RYR3: variants seen among roughly 807,000 people sequenced by gnomAD.
RYR3 encodes the protein ryanodine receptor 3.
Under a neutral mutation model 584.3 loss-of-function variants are expected in RYR3, and 207 were observed. The observed-to-expected ratio is 0.35, with a 90% CI of 0.32 to 0.40. The LOEUF is 0.40. Among genes scored for constraint, RYR3 ranks in the 10% least tolerant of loss-of-function variants. The pLI, the probability that RYR3 is intolerant of heterozygous loss-of-function variation, is 1.00. For synonymous variants in RYR3, 2,416 were observed against 2,248.5 expected, an observed-to-expected ratio of 1.07 and a Z score of -2.11; for missense variants, 5,616 against 6,089.2, an observed-to-expected ratio of 0.92 and a Z score of 2.59.
At chr15:33,323,109 T>C (rs941205295) in intron 1 of RYR3, among the ~76,000 whole-genome samples, 2 of 151,764 alleles carry the variant, frequency 1.3e-5, no homozygotes, top group Non-Finnish European at 2.9e-5. Flanking sequence ...TGATATTTAA[T>C]ACATATATAT....
chr15:33,848,259 GCT>G (rs2078849802), intron 93 of RYR3, 30 bp from the exon 94 acceptor site: 1 of 1,612,196 alleles, frequency 6.2e-7, no homozygotes. Context: ...CACAAAGCCT[GCT>G]CTGAGTAACC....
chr15:33,459,207 C>T (rs555437887), intron 1 of RYR3, among the ~76,000 whole-genome samples: 1 of 152,302 alleles, frequency 6.6e-6, no homozygotes, highest in South Asian at 2.1e-4. Context: ...GGTTGAGCCC[C>T]ACGGCTTCAT....
intron 17 of RYR3, among the ~76,000 whole-genome samples, chr15:33,602,417 A>T (rs1011894870): frequency 6.6e-6 from 1 of 152,188 alleles, no homozygotes; most frequent in Non-Finnish European, 1.5e-5. Context: ...TGACTTCTTA[A>T]TGGTTTTAAG....
chr15:33,327,201 A>G (rs1298449029), intron 1 of RYR3, among the ~76,000 whole-genome samples: 1 of 152,246 alleles, frequency 6.6e-6, no homozygotes, highest in African/African-American at 2.4e-5. Flanking sequence ...ACATGTAGAA[A>G]ACAGAAGCTG....
intron 69 of RYR3, among the ~76,000 whole-genome samples, chr15:33,805,778 T>A (rs894649316): frequency 6.6e-6 from 1 of 152,036 alleles, no homozygotes; most frequent in African/African-American, 2.4e-5. Flanking sequence ...CACCCGGCCT[T>A]CTCTTTTGTT....
chr15:33,717,031 A>T (rs988246927), intron 43 of RYR3, among the ~76,000 whole-genome samples: 1 of 152,176 alleles, frequency 6.6e-6, no homozygotes, highest in African/African-American at 2.4e-5. Flanking sequence ...TTCAAGTTTT[A>T]TTTGGCATAT....
chr15:33,546,628 A>G (rs548028291), intron 8 of RYR3, among the ~76,000 whole-genome samples: 143 of 152,314 alleles, frequency 9.4e-4, no homozygotes, highest in Non-Finnish European at 1.6e-3. Context: ...AACATTTTAA[A>G]AAGTCCTTTA....
At chr15:33,584,855 CT>C (rs1331975851) in intron 15 of RYR3, among the ~76,000 whole-genome samples, 5 of 151,378 alleles carry the variant, frequency 3.3e-5, no homozygotes, top group African/African-American at 1.2e-4. Context: ...TTTTTAAACC[CT>C]TTTCAATGGT....
At chr15:33,603,864 A>C (rs752753514) in intron 18 of RYR3, among the ~76,000 whole-genome samples, 2 of 152,248 alleles carry the variant, frequency 1.3e-5, no homozygotes, top group Admixed American at 1.3e-4. Flanking sequence ...CTGTTGCTTC[A>C]TAATACAATT....
chr15:33,457,321 A>G lies in RYR3; in HGVS notation c.52-16098A>G, dbSNP rs187138331. Among the ~76,000 whole-genome samples, 48 of 152,314 alleles carry G rather than the reference A, an allele frequency of 3.2e-4. No individual in the cohort carries two copies. The East Asian group carries it at 8.5e-3, about 27-fold the overall frequency. On this transcript the variant is annotated intron_variant, in intron 1 of 103. Transcript: ENST00000634891. ...GTACTCTTATGCAACACTATCTACA[A>G]TAGCCAAGATATAGAATCAACTTGT...
At chr15:33,351,800 A>G (rs575194392) in intron 1 of RYR3, among the ~76,000 whole-genome samples, 83 of 150,498 alleles carry the variant, frequency 5.5e-4, no homozygotes, top group Non-Finnish European at 9.0e-4. Flanking sequence ...CACAGCCAAT[A>G]TCATACTGAA....
At chr15:33,422,505 T>A (rs2044310025) in intron 1 of RYR3, among the ~76,000 whole-genome samples, 1 of 152,098 alleles carries the variant, frequency 6.6e-6, no homozygotes, top group African/African-American at 2.4e-5. Flanking sequence ...GAGGGATAAA[T>A]CAAGGTAATG....
At chr15:33,820,994 T>TG (rs199504130) in intron 78 of RYR3, among the ~76,000 whole-genome samples, 182 bp downstream of exon 78, 1,998 of 60,074 alleles carry the variant, frequency 0.033, 42 homozygotes, top group African/African-American at 0.13. Flanking sequence ...ATTTTAATGT[T>TG]GCGTTGCTTC....
chr15:33,634,182 G>T (rs2061397197), intron 24 of RYR3, among the ~76,000 whole-genome samples: 1 of 152,066 alleles, frequency 6.6e-6, no homozygotes, highest in African/African-American at 2.4e-5. Context: ...CTCCCGAGTA[G>T]CTGGGATTAC....
intron 16 of RYR3, among the ~76,000 whole-genome samples, chr15:33,587,217 C>A (rs746017867): frequency 6.6e-6 from 1 of 152,192 alleles, no homozygotes; most frequent in Non-Finnish European, 1.5e-5. Flanking sequence ...CAAAGGCAAA[C>A]ATGAAGCTTC....
intron 3 of RYR3, among the ~76,000 whole-genome samples, chr15:33,507,466 C>G (rs1386883478): frequency 6.6e-6 from 1 of 152,152 alleles, no homozygotes; most frequent in Non-Finnish European, 1.5e-5. Flanking sequence ...TAATTTTATT[C>G]TGGGGAAAAT....
At chr15:33,856,724 T>A (rs560302918) in intron 98 of RYR3, 1 of 153,176 alleles carries the variant, frequency 6.5e-6, no homozygotes, top group East Asian at 1.9e-4. Flanking sequence ...AGTGGCGCGA[T>A]CTCAGCTTAC....
intron 70 of RYR3, among the ~76,000 whole-genome samples, chr15:33,808,505 C>T (rs1383005239): frequency 6.6e-6 from 1 of 152,132 alleles, no homozygotes; most frequent in Non-Finnish European, 1.5e-5. Flanking sequence ...CATATTTATT[C>T]GATTGCATAC....
intron 53 of RYR3, 23 bp from the exon 54 acceptor site, chr15:33,748,091 C>T: frequency 1.9e-6 from 3 of 1,612,322 alleles, no homozygotes; most frequent in Middle Eastern, 1.9e-4. Context: ...CTGCAAAGTG[C>T]TTCTGCTCAA....
Sources: gnomAD v4.1 joint callset for allele counts (sites outside exome capture counted in the v4.1 genomes callset) on GRCh38, gnomAD v4.1.1 for gene constraint, MANE v1.5 for transcripts, NCBI Gene and HGNC (gene_info 2026-07-23, HGNC 2026-07-21) for gene names.